The following CSMD3 variants were observed in gnomAD, a reference collection of about 807,000 sequenced individuals.
CSMD3 encodes the protein CUB and sushi domain-containing protein 3.
A neutral mutation model predicts 435.2 loss-of-function variants in CSMD3; 177 were observed. That is an observed-to-expected ratio of 0.41 (90% CI 0.36 to 0.46). CSMD3 has a LOEUF of 0.46. Ranked by LOEUF, CSMD3 falls within the 20% of genes least tolerant of loss-of-function variation. The pLI is 0.34. For missense variants in CSMD3, 4,265 were observed against 4,504.6 expected, an observed-to-expected ratio of 0.95 and a Z score of 1.52; for synonymous variants, 1,656 against 1,520.5, an observed-to-expected ratio of 1.09 and a Z score of -2.07.
At chr8:112,575,017 A>G (rs561528220) in intron 23 of CSMD3, among the ~76,000 whole-genome samples, 14 of 152,096 alleles carry the variant, frequency 9.2e-5, no homozygotes, top group African/African-American at 3.4e-4. Context: ...TTATTATTAT[A>G]TTAATCTGAA....
intron 13 of CSMD3, among the ~76,000 whole-genome samples, chr8:112,707,639 G>A (rs2076528106): frequency 6.6e-6 from 1 of 151,918 alleles, no homozygotes; most frequent in Non-Finnish European, 1.5e-5. Flanking sequence ...AACCTTTGAG[G>A]GTTGTTTTGA....
intron 23 of CSMD3, among the ~76,000 whole-genome samples, chr8:112,580,219 A>C (rs762216023): frequency 2.0e-5 from 3 of 152,166 alleles, no homozygotes; most frequent in South Asian, 2.1e-4. Flanking sequence ...ATGAATGTTA[A>C]TTGAAAGAAT....
chr8:112,469,458 T>C (rs1023266937), intron 32 of CSMD3, among the ~76,000 whole-genome samples: 1 of 151,844 alleles, frequency 6.6e-6, no homozygotes, highest in African/African-American at 2.4e-5. Flanking sequence ...CTGAGTGTAT[T>C]TGACAGACGT....
intron 5 of CSMD3, 172 bp downstream of exon 5, chr8:113,098,584 G>A: frequency 1.7e-6 from 1 of 598,532 alleles, no homozygotes; most frequent in Non-Finnish European, 3.0e-6. Context: ...TATTTTTTAT[G>A]TAAATAGCTC....
intron 28 of CSMD3, among the ~76,000 whole-genome samples, chr8:112,516,425 C>T (rs141243811): frequency 2.4e-4 from 36 of 152,158 alleles, no homozygotes; most frequent in African/African-American, 4.8e-4. Context: ...ATTCCAAAAG[C>T]GGGACATTCC....
intron 1 of CSMD3, among the ~76,000 whole-genome samples, chr8:113,406,806 A>T (rs1438056358): frequency 2.0e-5 from 3 of 152,078 alleles, no homozygotes; most frequent in Non-Finnish European, 2.9e-5. Flanking sequence ...GCTTATATTT[A>T]GTAAGCTATA....
chr8:112,496,569 A>C (rs1333406052), intron 30 of CSMD3, among the ~76,000 whole-genome samples: 1 of 152,212 alleles, frequency 6.6e-6, no homozygotes, highest in African/African-American at 2.4e-5. Context: ...TGTCCACAAC[A>C]GACAAATGCA....
intron 3 of CSMD3, among the ~76,000 whole-genome samples, chr8:113,276,101 C>T (rs1436293979): frequency 6.6e-6 from 1 of 152,058 alleles, no homozygotes; most frequent in Non-Finnish European, 1.5e-5. Flanking sequence ...CAGCTACTCC[C>T]TCTGGATCAT....
At chr8:112,886,550 G>C (rs1044882655) in intron 10 of CSMD3, among the ~76,000 whole-genome samples, 1 of 151,012 alleles carries the variant, frequency 6.6e-6, no homozygotes, top group African/African-American at 2.4e-5. Flanking sequence ...ACAGATGATG[G>C]CAAACACAAA....
chr8:113,420,505 C>G (rs10109289), intron 1 of CSMD3, among the ~76,000 whole-genome samples: 1,898 of 151,888 alleles, frequency 0.012, 46 homozygotes, highest in African/African-American at 0.044. Flanking sequence ...AGTAGTAAAA[C>G]TAAATAGAAA....
chr8:112,841,247 T>C (rs1408503508), intron 11 of CSMD3, among the ~76,000 whole-genome samples: 1 of 151,664 alleles, frequency 6.6e-6, no homozygotes, highest in Non-Finnish European at 1.5e-5. Flanking sequence ...ACAGTCTCCA[T>C]GTTGCCCATT....
At chr8:112,384,932 C>T (rs1033701889) in intron 36 of CSMD3, among the ~76,000 whole-genome samples, 17 of 152,142 alleles carry the variant, frequency 1.1e-4, no homozygotes, top group Non-Finnish European at 1.9e-4. Flanking sequence ...TGAAGATTCA[C>T]GCAGGAGTTG....
At chr8:113,224,214 C>T (rs539500082) in intron 3 of CSMD3, among the ~76,000 whole-genome samples, 2 of 151,324 alleles carry the variant, frequency 1.3e-5, no homozygotes, top group South Asian at 2.1e-4. Flanking sequence ...AAAACCTCAA[C>T]ATTTTAATCT....
chr8:112,792,182 T>A (rs2132294036), intron 13 of CSMD3, among the ~76,000 whole-genome samples: 1 of 152,318 alleles, frequency 6.6e-6, no homozygotes, highest in Non-Finnish European at 1.5e-5. Context: ...ACTTTTAATT[T>A]TGATGAAGTC....
rs71566035 is a variant in CSMD3 at position 112,609,201 on chromosome 8, C to CAAAAAAAAAAAA, written c.3716-21978_3716-21967dup. Among the ~76,000 whole-genome samples the CAAAAAAAAAAAA allele has an allele frequency of 5.2e-3, 222 of 43,008 alleles. 1 individual carries two copies. Among genetic ancestry groups the CAAAAAAAAAAAA allele is most frequent in the South Asian group, 7.1e-3 (7 of 992 alleles). 28.2% of individuals were successfully genotyped at this position (43,008 alleles called of 152,430 possible). Reference sequence around the variant, plus strand: ...TGGGTGACAGAGAAAGATACTGCCTCAAAAAAAAAAAAAAAAAAAAAAAAA... The same window carrying CAAAAAAAAAAAA: ...TGGGTGACAGAGAAAGATACTGCCTCAAAAAAAAAAAAAAAAAAAAAAAAAAAAAAAAAAAAA... On this transcript the variant is annotated intron_variant, in intron 22 of 70. Transcript: ENST00000297405.
At chr8:112,814,965 C>G (rs2079331855) in intron 12 of CSMD3, among the ~76,000 whole-genome samples, 1 of 93,466 alleles carries the variant, frequency 1.1e-5, no homozygotes, top group East Asian at 3.2e-4. Context: ...TACAAATATG[C>G]AACTTTCGCT....
chr8:112,278,896 C>A (rs540673151), intron 59 of CSMD3, among the ~76,000 whole-genome samples: 112 of 152,052 alleles, frequency 7.4e-4, no homozygotes, highest in African/African-American at 2.6e-3. Context: ...CTGTGGGAGA[C>A]CCCCAACATT....
At position 113,201,400 on chromosome 8, in the gene CSMD3, C is replaced by A. The variant is rs186997513; in HGVS notation, c.515-27484G>T. Among the ~76,000 whole-genome samples the A allele has an allele frequency of 2.0e-5, 3 of 152,020 alleles. No homozygotes were observed. In the East Asian group the frequency reaches 5.8e-4, roughly 30 times the overall value. On this transcript the variant is annotated intron_variant, in intron 3 of 70. Transcript: ENST00000297405. ...ACAAATTTCAAAATTATGATTGGAG[C>A]TCTACTCCACCAGTCTCTTCCACTC...
At chr8:113,106,892 T>G (rs200577783) in intron 4 of CSMD3, among the ~76,000 whole-genome samples, 1,170 of 36,760 alleles carry the variant, frequency 0.032, 12 homozygotes, top group Non-Finnish European at 0.044. Flanking sequence ...ATAACTCACA[T>G]GTGTTCACCC....
Sources: gnomAD v4.1 joint callset for allele counts (sites outside exome capture counted in the v4.1 genomes callset) on GRCh38, gnomAD v4.1.1 for gene constraint, MANE v1.5 for transcripts, NCBI Gene and HGNC (gene_info 2026-07-23, HGNC 2026-07-21) for gene names.